ZNF723: variants seen among roughly 807,000 people sequenced by gnomAD.
The protein encoded by ZNF723 is zinc finger protein 723.
A neutral mutation model predicts 9.4 loss-of-function variants in ZNF723; 5 were observed. The ratio of observed to expected loss-of-function variants is 0.53; its 90% confidence interval spans 0.28 to 1.12. The LOEUF is 1.12. Among genes scored for constraint, ZNF723 ranks in the 50% most tolerant of loss-of-function variants. ZNF723 has a pLI of 0.10. For missense variants in ZNF723, 450 were observed against 501.5 expected, an observed-to-expected ratio of 0.90 and a Z score of 0.98; for synonymous variants, 158 against 168.8, an observed-to-expected ratio of 0.94 and a Z score of 0.49.
chr19:22,817,333 C>A, the ZNF723 span, among the ~76,000 whole-genome samples: 1 of 152,172 alleles, frequency 6.6e-6, no homozygotes, highest in African/African-American at 2.4e-5. Context: ...ATCACTGCAC[C>A]AAACACCAAA....
At chr19:22,828,651 C>CA (rs34525571), upstream of ZNF723, among the ~76,000 whole-genome samples, 1 of 151,778 alleles carries the variant, frequency 6.6e-6, no homozygotes, top group Non-Finnish European at 1.5e-5. Flanking sequence ...GACTCCCTCT[C>CA]AAAAAAACAA....
upstream of ZNF723, among the ~76,000 whole-genome samples, chr19:22,828,261 C>A (rs1188462467): frequency 6.6e-6 from 1 of 152,096 alleles, no homozygotes; most frequent in Non-Finnish European, 1.5e-5. Flanking sequence ...ATTATAAGGA[C>A]AAAAACCCGA....
chr19:22,858,397 T>C lies in ZNF723; in HGVS notation c.1506T>C (p.Ile502=). ...KSSILNRHKI[I]HTKEKSQTLK... The stretch of plus-strand genomic sequence containing the variant: ...CAATTCTTAACAGACATAAGATAAT[T>C]CATACTAAAGAGAAATCACAAACCT... The change falls in exon 4 of 4, where the codon ATT becomes ATC. Residue 502 remains isoleucine, a synonymous_variant. Coordinates refer to ENST00000600766, the MANE Select transcript of ZNF723 (RefSeq NM_001349726.2). 1.3e-6 allele frequency: 1 copy of C among 773,260 alleles called. No homozygotes were observed. The highest frequency in any genetic ancestry group is 2.1e-6 in the Non-Finnish European group (1 of 467,638). 47.9% of individuals were successfully genotyped at this position (773,260 alleles called of 1,614,324 possible).
chr19:22,822,560 A>T, the ZNF723 span, among the ~76,000 whole-genome samples: 1 of 152,154 alleles, frequency 6.6e-6, no homozygotes, highest in East Asian at 1.9e-4. Context: ...TTTCCAGCAC[A>T]CAGTTAAAAT....
chr19:22,853,509 C>A (rs1967427221), intron 3 of ZNF723, among the ~76,000 whole-genome samples: 1 of 151,932 alleles, frequency 6.6e-6, no homozygotes. Context: ...AGGTTTTTTT[C>A]TATTATTGTT....
the ZNF723 span, among the ~76,000 whole-genome samples, chr19:22,816,204 G>A: frequency 6.6e-6 from 1 of 152,158 alleles, no homozygotes; most frequent in Non-Finnish European, 1.5e-5. Flanking sequence ...CAGCACGCAG[G>A]TGAGATTGTG....
At chr19:22,852,664 TA>T (rs1325964472) in intron 3 of ZNF723, among the ~76,000 whole-genome samples, 2 of 152,206 alleles carry the variant, frequency 1.3e-5, no homozygotes, top group Admixed American at 6.5e-5. Flanking sequence ...TGTTCATTTT[TA>T]CTTGTCAAAA....
intron 1 of ZNF723, among the ~76,000 whole-genome samples, chr19:22,845,916 A>C (rs1288036718): frequency 2.0e-5 from 2 of 102,368 alleles, no homozygotes; most frequent in Non-Finnish European, 4.0e-5. Flanking sequence ...TTAGCTAAAC[A>C]CATCTCAGAT....
the ZNF723 span, among the ~76,000 whole-genome samples, chr19:22,819,538 G>A: frequency 6.6e-6 from 1 of 152,354 alleles, no homozygotes; most frequent in East Asian, 1.9e-4. Flanking sequence ...ACTTGGCCCA[G>A]CACCTATGTG....
At chr19:22,813,539 T>C in the ZNF723 span, among the ~76,000 whole-genome samples, 1 of 152,058 alleles carries the variant, frequency 6.6e-6, no homozygotes, top group South Asian at 2.1e-4. Context: ...GTTTATGTTA[T>C]TCTCCTATTT....
intron 1 of ZNF723, among the ~76,000 whole-genome samples, chr19:22,846,612 G>C (rs555755689): frequency 1.3e-5 from 2 of 152,116 alleles, no homozygotes; most frequent in African/African-American, 2.4e-5. Context: ...GACACAATGA[G>C]ACTCTGTCTC....
chr19:22,815,274 A>G, the ZNF723 span, among the ~76,000 whole-genome samples: 1 of 152,202 alleles, frequency 6.6e-6, no homozygotes, highest in South Asian at 2.1e-4. Flanking sequence ...ATATTTCTGT[A>G]TCTGACACCT....
intron 3 of ZNF723, among the ~76,000 whole-genome samples, chr19:22,855,014 T>A (rs541011620): frequency 6.6e-6 from 1 of 152,186 alleles, no homozygotes; most frequent in South Asian, 2.1e-4. Context: ...GCCATTGCAC[T>A]CCAGCCTGGG....
At chr19:22,848,817 C>T (rs1409318056) in intron 2 of ZNF723, among the ~76,000 whole-genome samples, 1 of 151,546 alleles carries the variant, frequency 6.6e-6, no homozygotes, top group Non-Finnish European at 1.5e-5. Context: ...TACAATGGTG[C>T]GATTTTGGCT....
At chr19:22,851,058 T>G (rs890470022) in intron 3 of ZNF723, among the ~76,000 whole-genome samples, 7 of 152,156 alleles carry the variant, frequency 4.6e-5, no homozygotes, top group South Asian at 2.1e-4. Flanking sequence ...ATTTAAGTGT[T>G]GTTTTTTCTA....
intron 3 of ZNF723, among the ~76,000 whole-genome samples, chr19:22,856,784 T>TA (rs1358966459): frequency 6.6e-6 from 1 of 152,212 alleles, no homozygotes; most frequent in Non-Finnish European, 1.5e-5. Flanking sequence ...ACTTGTCTTT[T>TA]AAAAAAGAAT....
At chr19:22,840,372 T>A (rs1967227471) in intron 1 of ZNF723, 1 of 150,034 alleles carries the variant, frequency 6.7e-6, no homozygotes. Context: ...GGTTTCACCA[T>A]GTTGGTCAGA....
intron 1 of ZNF723, chr19:22,840,706 C>A (rs1967232720): frequency 6.6e-6 from 1 of 152,086 alleles, no homozygotes; most frequent in Non-Finnish European, 1.5e-5. Context: ...GTTTCAGAAG[C>A]CCTATTAGTA....
the ZNF723 span, among the ~76,000 whole-genome samples, chr19:22,819,384 C>T: frequency 1.3e-5 from 2 of 152,136 alleles, no homozygotes; most frequent in East Asian, 3.9e-4. Context: ...AGTGACTTTT[C>T]ACTGGGCCCA....
Sources: allele counts gnomAD v4.1 joint callset (sites outside exome capture counted in the v4.1 genomes callset), GRCh38; gene constraint gnomAD v4.1.1; transcripts MANE v1.5; gene names NCBI Gene and HGNC (gene_info 2026-07-23, HGNC 2026-07-21).